RBM33: variants seen among roughly 807,000 people sequenced by gnomAD.
RBM33 encodes RNA-binding protein 33.
In RBM33, 28 loss-of-function variants were observed where a neutral mutation model predicts 132.6. That is an observed-to-expected ratio of 0.21 (90% CI 0.16 to 0.29). The LOEUF (loss-of-function observed/expected upper bound fraction) is 0.29. RBM33 is among the 10% of genes least tolerant of loss of function. RBM33 has a pLI of 1.00. For missense variants in RBM33, 1,291 were observed against 1,518.5 expected (o/e 0.85, Z 2.49); for synonymous variants, 634 against 593.0 (o/e 1.07, Z -1.01).
chr7:155,706,332 A>G (rs562465600), intron 6 of RBM33, among the ~76,000 whole-genome samples: 1 of 152,280 alleles, frequency 6.6e-6, no homozygotes, highest in Admixed American at 6.5e-5. Context: ...TCTCTATTAA[A>G]ATGCAAAAAA....
At chr7:155,676,703 C>G (rs995294311) in intron 3 of RBM33, among the ~76,000 whole-genome samples, 1 of 152,138 alleles carries the variant, frequency 6.6e-6, no homozygotes, top group African/African-American at 2.4e-5. Context: ...CCCCTGGAGC[C>G]CGAGAAAACT....
At chr7:155,718,594 A>G (rs933788741) in intron 9 of RBM33, among the ~76,000 whole-genome samples, 151 bp downstream of exon 9, 1 of 152,246 alleles carries the variant, frequency 6.6e-6, no homozygotes, top group East Asian at 1.9e-4. Flanking sequence ...AATGTTTGTT[A>G]AAAGCTTAAG....
At chr7:155,769,262 T>C (rs1450047146) in intron 16 of RBM33, among the ~76,000 whole-genome samples, 3 of 152,186 alleles carry the variant, frequency 2.0e-5, no homozygotes, top group Non-Finnish European at 2.9e-5. Flanking sequence ...TCGTTCTTCC[T>C]GGGTGTCATC....
At chr7:155,737,291 G>A (rs145636170) in intron 9 of RBM33, among the ~76,000 whole-genome samples, 3 of 149,850 alleles carry the variant, frequency 2.0e-5, no homozygotes, top group Non-Finnish European at 3.0e-5. Context: ...TGTGGTGTTC[G>A]CATGATGGAA....
chr7:155,770,993 AGAAGTTGTCT>A (rs1217893251), intron 16 of RBM33, among the ~76,000 whole-genome samples: 1 of 152,234 alleles, frequency 6.6e-6, no homozygotes, highest in Non-Finnish European at 1.5e-5. Context: ...AGATTTCCTC[AGAAGTTGTCT>A]GAAGATGTCT....
intron 9 of RBM33, among the ~76,000 whole-genome samples, chr7:155,720,660 C>T (rs1419193714): frequency 6.6e-6 from 1 of 152,206 alleles, no homozygotes; most frequent in Non-Finnish European, 1.5e-5. Flanking sequence ...TGAAACCTAA[C>T]TTATGTCCTT....
intron 14 of RBM33, among the ~76,000 whole-genome samples, chr7:155,757,221 G>A (rs1214990103): frequency 1.3e-5 from 2 of 152,134 alleles, no homozygotes; most frequent in African/African-American, 2.4e-5. Context: ...TCCAAACTAC[G>A]CTCCTGGCCA....
intron 3 of RBM33, among the ~76,000 whole-genome samples, chr7:155,675,419 ATAACATTGAATGTTTG>A (rs1799155574): frequency 6.6e-6 from 1 of 152,144 alleles, no homozygotes; most frequent in Admixed American, 6.5e-5. Context: ...TAATGGCAAC[ATAACATTGAATGTTTG>A]TATATGCTAC....
intron 3 of RBM33, 57 bp from the exon 4 acceptor site, chr7:155,678,546 GCTTTT>G: frequency 9.5e-7 from 1 of 1,051,166 alleles, no homozygotes; most frequent in Non-Finnish European, 1.4e-6. Context: ...GTAATTTTGT[GCTTTT>G]TAACAAGTCT....
chr7:155,710,697 C>A (rs909904832), intron 7 of RBM33, among the ~76,000 whole-genome samples: 10 of 152,088 alleles, frequency 6.6e-5, no homozygotes, highest in African/African-American at 2.4e-4. Context: ...CAGAGAAGCT[C>A]CCTCCCAGCC....
chr7:155,678,715 T>C, intron 4 of RBM33, 31 bp downstream of exon 4: 1 of 1,065,242 alleles, frequency 9.4e-7, no homozygotes, highest in South Asian at 1.4e-5. Context: ...ATAAATGTTC[T>C]TTATTTAACT....
Position 155,740,018 on chromosome 7 carries a change from C to A in RBM33, c.2041C>A (p.Leu681Ile). 1 of 1,545,866 alleles carries A rather than the reference C, an allele frequency of 6.5e-7. No individual in the cohort carries two copies. The highest frequency in any genetic ancestry group is 1.4e-5 in the African/African-American group (1 of 73,838). Residue 681 changes from leucine to isoleucine, a missense_variant, in exon 12 of 18, where the codon CTC (leucine) becomes ATC (isoleucine). By Grantham distance (5) the Leu-to-Ile change is conservative. This residue lies in a region of RBM33 where 841 missense variants were observed against 912.0 expected (regional missense o/e 0.92). Transcript: ENST00000401878. ...GATGCAGTGCCCCCAGCGCCAGGGG[C>A]TCCGGCATGTAAGTGTCAAGGGGTG... ...SRMQCPQRQG[L>I]RHNTTSQNVS...
At chr7:155,756,273 C>CTGTAATTATA (rs1801847586) in intron 14 of RBM33, among the ~76,000 whole-genome samples, 4 of 152,242 alleles carry the variant, frequency 2.6e-5, no homozygotes, top group African/African-American at 9.6e-5. Flanking sequence ...TCTTTCAATG[C>CTGTAATTATA]TGTAATTATA....
chr7:155,745,833 A>G lies in RBM33; in HGVS notation c.2979+231A>G, dbSNP rs1801499312. On this transcript the variant is annotated intron_variant, in intron 14 of 17. Transcript: ENST00000401878. This position sits in a 1 kb window ranked among gnomAD's most constrained non-coding sequence, Gnocchi z 4.1. ...TCATTGTCTGAACGTGCTAGAATGTACTTCCATACACAGACGGTACAGCCT... is the reference window on the plus strand; with the variant it reads ...TCATTGTCTGAACGTGCTAGAATGTGCTTCCATACACAGACGGTACAGCCT... 1.8e-6 allele frequency: 1 copy of G among 545,108 alleles called. No homozygotes were observed. The highest frequency in any genetic ancestry group is 3.1e-5 in the East Asian group (1 of 31,886). 33.8% of individuals were successfully genotyped at this position (545,108 alleles called of 1,614,324 possible).
chr7:155,758,991 G>A (rs1017997844), intron 14 of RBM33, among the ~76,000 whole-genome samples: 13 of 152,150 alleles, frequency 8.5e-5, no homozygotes, highest in African/African-American at 2.9e-4. Flanking sequence ...CCGGCCCCAC[G>A]GAATGAGCAG....
At chr7:155,675,682 TATG>T (rs1187243355) in intron 3 of RBM33, among the ~76,000 whole-genome samples, 1 of 152,178 alleles carries the variant, frequency 6.6e-6, no homozygotes, top group Non-Finnish European at 1.5e-5. Flanking sequence ...TCTCAAGCAT[TATG>T]ATGATATTTT....
chr7:155,672,780 A>G, intron 2 of RBM33, 87 bp from the exon 3 acceptor site: 1 of 696,766 alleles, frequency 1.4e-6, no homozygotes, highest in Non-Finnish European at 2.4e-6. Context: ...CCTGAGCTGT[A>G]GAGTTCTTGG....
rs572246339 is a variant in RBM33 at position 155,726,268 on chromosome 7, G to A, written c.1260+7825G>A. Among the ~76,000 whole-genome samples the A allele has an allele frequency of 5.3e-5, 8 of 152,244 alleles. No homozygotes were observed. The East Asian group carries it at 1.4e-3, about 26-fold the overall frequency. On this transcript the variant is annotated intron_variant, in intron 9 of 17. Coordinates refer to ENST00000401878, the MANE Select transcript of RBM33 (RefSeq NM_053043.3). ...TATACGGACTGACCCTTTTAGGGAAGCTGATAAGTCACATAATAGCTGTTA... is the reference window on the plus strand; with the variant it reads ...TATACGGACTGACCCTTTTAGGGAAACTGATAAGTCACATAATAGCTGTTA...
At chr7:155,770,665 G>A (rs1203050275) in intron 16 of RBM33, among the ~76,000 whole-genome samples, 1 of 148,990 alleles carries the variant, frequency 6.7e-6, no homozygotes, top group African/African-American at 2.5e-5. Context: ...GGGAGAAAAA[G>A]AGCTTGGTGT....
Sources: allele counts gnomAD v4.1 joint callset (sites outside exome capture counted in the v4.1 genomes callset), GRCh38; gene constraint gnomAD v4.1.1; regional missense constraint gnomAD v4.1.1; non-coding constraint Gnocchi (gnomAD v3.1); transcripts MANE v1.5; gene names NCBI Gene and HGNC (gene_info 2026-07-23, HGNC 2026-07-21).